PTBP2: variants seen among roughly 807,000 people sequenced by gnomAD.
The protein encoded by PTBP2 is polypyrimidine tract-binding protein 2.
PTBP2 carries 13 observed loss-of-function variants against 61.4 expected under a neutral mutation model. That is an observed-to-expected ratio of 0.21 (90% CI 0.14 to 0.34). The LOEUF (loss-of-function observed/expected upper bound fraction) is 0.34. Ranked by LOEUF, PTBP2 falls within the 10% of genes least tolerant of loss-of-function variation. The pLI is 1.00. For missense variants in PTBP2, 405 were observed against 642.6 expected, an observed-to-expected ratio of 0.63 and a Z score of 4.00; for synonymous variants, 215 against 218.5, an observed-to-expected ratio of 0.98 and a Z score of 0.14.
At chr1:96,808,883 G>A (rs1334161990) in intron 11 of PTBP2, among the ~76,000 whole-genome samples, 1 of 151,938 alleles carries the variant, frequency 6.6e-6, no homozygotes, top group East Asian at 1.9e-4. Context: ...GTACTAAAAA[G>A]ATTATCAAAC....
Position 96,777,896 on chromosome 1 carries a change from C to T in PTBP2, c.658C>T (p.Gln220Ter). ...CACATTTACAAAAAATAACCAGTTT[C>T]AAGCTTTGCTCCAGTATGGTGATCC... ...IITFTKNNQFQALLQYGDPVN... is the reference protein window; with the variant it reads ...IITFTKNNQF Residue 220 changes from glutamine to a stop codon, truncating the protein, a stop_gained, in exon 7 of 14, where the codon CAA becomes TAA. Transcript: ENST00000674951. LOFTEE classifies it high-confidence loss of function. 6.3e-7 allele frequency: 1 copy of T among 1,594,854 alleles called. No individual in the cohort carries two copies. Among genetic ancestry groups the T allele is most frequent in the Middle Eastern group, 1.8e-4 (1 of 5,548 alleles).
intron 3 of PTBP2, among the ~76,000 whole-genome samples, chr1:96,765,829 AC>A (rs971495674): frequency 2.0e-5 from 3 of 152,190 alleles, no homozygotes; most frequent in African/African-American, 7.2e-5. Context: ...AGCATGGGAA[AC>A]TAACAATTTT....
chr1:96,773,123 CAAAAAAA>C (rs563241972), intron 5 of PTBP2, among the ~76,000 whole-genome samples: 10 of 88,260 alleles, frequency 1.1e-4, no homozygotes, highest in East Asian at 6.3e-4. Context: ...GACTCTATCT[CAAAAAAA>C]AAAAAAAAAA....
intron 8 of PTBP2, among the ~76,000 whole-genome samples, chr1:96,788,823 G>A (rs1186548217): frequency 3.3e-5 from 5 of 151,990 alleles, no homozygotes; most frequent in Non-Finnish European, 7.4e-5. Context: ...TAACATTTAT[G>A]TCTGGCTTTT....
chr1:96,734,558 G>C (rs1651884024), intron 2 of PTBP2, among the ~76,000 whole-genome samples: 1 of 151,198 alleles, frequency 6.6e-6, no homozygotes, highest in African/African-American at 2.4e-5. Context: ...TAATGTACAA[G>C]CTCTCCGTTC....
In PTBP2 at chr1:96,756,531, C is replaced by A. The variant is rs115766531; in HGVS notation, c.115+5031C>A. 2.9e-3 allele frequency among the ~76,000 whole-genome samples: 435 copies of A among 152,304 alleles called. 1 individual carries two copies. Among genetic ancestry groups the A allele is most frequent in the African/African-American group, 9.9e-3 (412 of 41,560 alleles). ...CCTTTCTTTATAGTTGCCAGAACTT[C>A]ATAGCAACCAAGAAGTCCTTTAGGA... On this transcript the variant is annotated intron_variant, in intron 3 of 13. Coordinates refer to ENST00000674951, the MANE Select transcript of PTBP2 (RefSeq NM_021190.4).
intron 5 of PTBP2, among the ~76,000 whole-genome samples, chr1:96,774,120 T>TA (rs10691287): frequency 0.27 from 39,660 of 144,970 alleles, 5,726 homozygotes; most frequent in East Asian, 0.46. Context: ...CACAGTCTCT[T>TA]AAAAAAAAAA....
At chr1:96,725,846 G>A (rs890651620) in intron 2 of PTBP2, among the ~76,000 whole-genome samples, 10 of 151,656 alleles carry the variant, frequency 6.6e-5, no homozygotes, top group African/African-American at 2.2e-4. Flanking sequence ...TTGGGAGGCC[G>A]AGGCGGGCGG....
At chr1:96,730,900 G>A (rs1490609005) in intron 2 of PTBP2, among the ~76,000 whole-genome samples, 1 of 152,210 alleles carries the variant, frequency 6.6e-6, no homozygotes, top group Admixed American at 6.5e-5. Flanking sequence ...CTGATGTCCA[G>A]TGTCTTGAAA....
At chr1:96,746,702 GAA>G (rs34663964) in intron 2 of PTBP2, among the ~76,000 whole-genome samples, 39 of 111,828 alleles carry the variant, frequency 3.5e-4, no homozygotes, top group African/African-American at 9.5e-4. Context: ...GACTTTGTCT[GAA>G]AAAAAAAAAA....
At chr1:96,748,644 C>G (rs1389375691) in intron 2 of PTBP2, among the ~76,000 whole-genome samples, 2 of 152,016 alleles carry the variant, frequency 1.3e-5, no homozygotes, top group Admixed American at 1.3e-4. Context: ...TGATATCATT[C>G]TTAGATTAAT....
intron 5 of PTBP2, among the ~76,000 whole-genome samples, chr1:96,775,015 T>A (rs1657868638): frequency 6.6e-6 from 1 of 152,194 alleles, no homozygotes. Context: ...CCACCCTTCC[T>A]CCACCTCACA....
intron 5 of PTBP2, among the ~76,000 whole-genome samples, chr1:96,777,032 T>C (rs1658116879): frequency 6.6e-6 from 1 of 152,076 alleles, no homozygotes; most frequent in Admixed American, 6.6e-5. Context: ...GAGAATTTTG[T>C]GGTTTTGGAC....
chr1:96,790,050 C>A (rs540522161), intron 8 of PTBP2, among the ~76,000 whole-genome samples: 1 of 152,094 alleles, frequency 6.6e-6, no homozygotes, highest in Non-Finnish European at 1.5e-5. Context: ...TTGGTTGTTA[C>A]ATCTCATTAG....
intron 2 of PTBP2, 95 bp downstream of exon 2, chr1:96,723,689 C>A: frequency 9.4e-7 from 1 of 1,059,712 alleles, no homozygotes; most frequent in Non-Finnish European, 1.4e-6. Flanking sequence ...TATAACGTAG[C>A]TAACAAAACC....
intron 8 of PTBP2, among the ~76,000 whole-genome samples, chr1:96,793,989 A>C (rs1003825121): frequency 6.6e-6 from 1 of 152,228 alleles, no homozygotes; most frequent in Non-Finnish European, 1.5e-5. Context: ...TCAAAGGTTT[A>C]ACTGTCCAGG....
At chr1:96,726,878 C>T (rs72974578) in intron 2 of PTBP2, among the ~76,000 whole-genome samples, 7,367 of 152,122 alleles carry the variant, frequency 0.048, 552 homozygotes, top group African/African-American at 0.16. Flanking sequence ...CCACCGCGTC[C>T]GGCCCATATC....
chr1:96,726,065 ACT>A (rs1430563121), intron 2 of PTBP2, among the ~76,000 whole-genome samples: 2 of 105,190 alleles, frequency 1.9e-5, no homozygotes, highest in East Asian at 6.2e-4. Flanking sequence ...ACAGAGACAG[ACT>A]CTATCTCAAA....
At chr1:96,774,780 C>T (rs1485882161) in intron 5 of PTBP2, among the ~76,000 whole-genome samples, 6 of 152,200 alleles carry the variant, frequency 3.9e-5, no homozygotes, top group Non-Finnish European at 8.8e-5. Flanking sequence ...ATCTAAGTTA[C>T]TCCCATGCAG....
Sources: gnomAD v4.1 joint callset for allele counts (sites outside exome capture counted in the v4.1 genomes callset) on GRCh38, gnomAD v4.1.1 for gene constraint, MANE v1.5 for transcripts, NCBI Gene and HGNC (gene_info 2026-07-23, HGNC 2026-07-21) for gene names.